CECR2: variants seen among roughly 807,000 people sequenced by gnomAD.
The protein encoded by CECR2 is chromatin remodeling regulator CECR2.
CECR2 carries 30 observed loss-of-function variants against 154.5 expected under a neutral mutation model. That is an observed-to-expected ratio of 0.19 (90% CI 0.15 to 0.26). The LOEUF is 0.26. Ranked by LOEUF, CECR2 falls within the 10% of genes least tolerant of loss-of-function variation. The pLI, the probability that CECR2 is intolerant of heterozygous loss-of-function variation, is 1.00. For synonymous variants in CECR2, 725 were observed against 683.7 expected, an observed-to-expected ratio of 1.06 and a Z score of -0.94; for missense variants, 1,743 against 1,829.3, an observed-to-expected ratio of 0.95 and a Z score of 0.86.
At chr22:17,406,391 C>T (rs2050115616) in intron 1 of CECR2, among the ~76,000 whole-genome samples, 4 of 152,126 alleles carry the variant, frequency 2.6e-5, no homozygotes. Flanking sequence ...GGCGTGGTGG[C>T]ACACGCCTGT....
At chr22:17,494,122 G>A (rs1026420519) in intron 2 of CECR2, among the ~76,000 whole-genome samples, 1 of 151,900 alleles carries the variant, frequency 6.6e-6, no homozygotes, top group African/African-American at 2.4e-5. Flanking sequence ...TTTTGGAGAC[G>A]GCGTTTCTTC....
At chr22:17,470,591 C>A (rs574458312) in intron 1 of CECR2, among the ~76,000 whole-genome samples, 1 of 152,180 alleles carries the variant, frequency 6.6e-6, no homozygotes, top group African/African-American at 2.4e-5. Context: ...TCTGTTTATC[C>A]GTTAAAGATA....
chr22:17,441,369 G>A (rs1320376544), intron 1 of CECR2, among the ~76,000 whole-genome samples: 2 of 152,146 alleles, frequency 1.3e-5, no homozygotes, highest in South Asian at 2.1e-4. Flanking sequence ...ATGATGGAAC[G>A]CACAGCTGTG....
At chr22:17,446,940 T>TA (rs2054676425) in intron 1 of CECR2, among the ~76,000 whole-genome samples, 2 of 151,752 alleles carry the variant, frequency 1.3e-5, no homozygotes, top group African/African-American at 4.9e-5. Flanking sequence ...GGTGCATTTT[T>TA]ACACAGTGCT....
chr22:17,433,219 A>G (rs1186389151), intron 1 of CECR2, among the ~76,000 whole-genome samples: 1 of 152,194 alleles, frequency 6.6e-6, no homozygotes, highest in African/African-American at 2.4e-5. Context: ...AAAAATCTTT[A>G]GAAACACTTT....
chr22:17,505,179 C>T (rs905833941), intron 7 of CECR2, among the ~76,000 whole-genome samples, 163 bp downstream of exon 7: 21 of 152,096 alleles, frequency 1.4e-4, no homozygotes, highest in African/African-American at 4.6e-4. Flanking sequence ...CATGCCACCC[C>T]CTCTCCTTCA....
At chr22:17,367,377 CTT>C (rs568671353), upstream of CECR2, among the ~76,000 whole-genome samples, 42 of 147,764 alleles carry the variant, frequency 2.8e-4, no homozygotes, top group Admixed American at 2.5e-3. Flanking sequence ...CGCAGTAACA[CTT>C]TTTTTTTTTA....
intron 1 of CECR2, among the ~76,000 whole-genome samples, chr22:17,402,097 C>G (rs2053902709): frequency 6.6e-6 from 1 of 152,274 alleles, no homozygotes; most frequent in East Asian, 1.9e-4. Flanking sequence ...GATTCTCTTG[C>G]CTCAGCCTCC....
At chr22:17,471,290 C>T (rs983732193) in intron 1 of CECR2, among the ~76,000 whole-genome samples, 3 of 152,142 alleles carry the variant, frequency 2.0e-5, no homozygotes, top group African/African-American at 7.2e-5. Context: ...TGGTCAGCTG[C>T]GAACCTGCTT....
intron 1 of CECR2, among the ~76,000 whole-genome samples, chr22:17,427,132 TA>T (rs2054343979): frequency 6.6e-6 from 1 of 152,114 alleles, no homozygotes; most frequent in African/African-American, 2.4e-5. Context: ...GTCCTTGTGA[TA>T]GTTTGATGAG....
chr22:17,511,999 T>C (rs1363360181), intron 8 of CECR2, 103 bp downstream of exon 8: 9 of 859,106 alleles, frequency 1.0e-5, no homozygotes, highest in South Asian at 4.0e-5. Context: ...TCATTTTTTT[T>C]CCTAAACCCC....
intron 3 of CECR2, among the ~76,000 whole-genome samples, chr22:17,499,039 G>T (rs568041590): frequency 6.6e-6 from 1 of 152,208 alleles, no homozygotes; most frequent in Non-Finnish European, 1.5e-5. Flanking sequence ...GCCCAGGCTG[G>T]AGTGCAGTGG....
intron 1 of CECR2, among the ~76,000 whole-genome samples, chr22:17,447,652 TA>T (rs5844311): frequency 5.9e-4 from 79 of 134,056 alleles, no homozygotes; most frequent in Non-Finnish European, 4.8e-4. Context: ...CCCAGAGACT[TA>T]AAAAAAAAAA....
rs2056750426 is a variant in CECR2, at chr22:17,554,359, G to C, written c.*1519G>C. The C allele has an allele frequency of 6.6e-6, 1 of 152,166 alleles. No homozygotes were observed. Among genetic ancestry groups the C allele is most frequent in the Non-Finnish European group, 1.5e-5 (1 of 68,026 alleles). 9.4% of individuals were successfully genotyped at this position (152,166 alleles called of 1,614,324 possible). A position where few individuals can be genotyped will look rare whatever the true frequency, so the allele number is the denominator to read the frequency against. On this transcript the variant is annotated 3_prime_UTR_variant, in exon 19 of 19. Coordinates refer to ENST00000262608, the MANE Select transcript of CECR2 (RefSeq NM_001290047.2). Reference sequence around the variant, plus strand: ...CTCTATGAAATATTAATCTGCCCTAGTTTCTTATAAATTCAGCTGTGGGAG... The same window carrying C: ...CTCTATGAAATATTAATCTGCCCTACTTTCTTATAAATTCAGCTGTGGGAG...
At chr22:17,360,666 G>A (rs1280055423) in intron 1 of CECR2, among the ~76,000 whole-genome samples, 3 of 147,840 alleles carry the variant, frequency 2.0e-5, no homozygotes, top group Non-Finnish European at 3.0e-5. Flanking sequence ...AACAAAGCTA[G>A]ACTCCATCTC....
At chr22:17,432,889 T>C (rs1342701266) in intron 1 of CECR2, among the ~76,000 whole-genome samples, 3 of 152,232 alleles carry the variant, frequency 2.0e-5, no homozygotes, top group Non-Finnish European at 4.4e-5. Context: ...GCTCTATCTG[T>C]CTGAGTGTGG....
chr22:17,465,729 C>G (rs980172554), intron 1 of CECR2, among the ~76,000 whole-genome samples: 1 of 151,920 alleles, frequency 6.6e-6, no homozygotes, highest in African/African-American at 2.4e-5. Context: ...GTGATCCCCC[C>G]GCCTCAGCCT....
At chr22:17,422,389 G>A (rs919778330) in intron 1 of CECR2, among the ~76,000 whole-genome samples, 1 of 152,068 alleles carries the variant, frequency 6.6e-6, no homozygotes, top group Admixed American at 6.6e-5. Context: ...AGTAGAGATG[G>A]GGTTTCACTA....
At chr22:17,477,211 T>G in intron 1 of CECR2, 1 of 704,770 alleles carries the variant, frequency 1.4e-6, no homozygotes, top group South Asian at 1.5e-5. Context: ...ACTCCTTTCC[T>G]CTCTTTTGCG....
Sources: gnomAD v4.1 joint callset for allele counts (sites outside exome capture counted in the v4.1 genomes callset) on GRCh38, gnomAD v4.1.1 for gene constraint, MANE v1.5 for transcripts, NCBI Gene and HGNC (gene_info 2026-07-23, HGNC 2026-07-21) for gene names.